The following ABHD4 variants were observed in gnomAD, a reference collection of about 807,000 sequenced individuals.
ABHD4 encodes the protein abhydrolase domain containing 4, N-acyl phospholipase B.
In ABHD4, 35 loss-of-function variants were observed where a neutral mutation model predicts 42.3. The observed-to-expected ratio is 0.83, with a 90% CI of 0.63 to 1.10. ABHD4 has a LOEUF of 1.10. ABHD4 is among the 50% of genes least tolerant of loss of function. The pLI is 0.00. For missense variants in ABHD4, 389 were observed against 454.8 expected (o/e 0.86, Z 1.32); for synonymous variants, 169 against 170.6 (o/e 0.99, Z 0.07).
chr14:22,606,577 G>T (rs779660447), intron 5 of ABHD4, 44 bp downstream of exon 5: 1 of 1,398,902 alleles, frequency 7.1e-7, no homozygotes, highest in South Asian at 1.2e-5. Context: ...ACAGTTGTTA[G>T]GAGATAAAAC....
chr14:22,607,573 T>C (rs937279012), intron 5 of ABHD4, among the ~76,000 whole-genome samples: 2 of 152,168 alleles, frequency 1.3e-5, no homozygotes, highest in Non-Finnish European at 2.9e-5. Context: ...GCTCAGCTAA[T>C]TGAAGAACCC....
At chr14:22,601,898 A>G (rs373708640) in intron 2 of ABHD4, 143 bp downstream of exon 2, 1 of 711,300 alleles carries the variant, frequency 1.4e-6, no homozygotes. Context: ...CAGTTGTGTG[A>G]GGGAAGAGGT....
At chr14:22,600,831 GGTGTGT>G (rs35284182) in intron 1 of ABHD4, among the ~76,000 whole-genome samples, 159 of 65,218 alleles carry the variant, frequency 2.4e-3, no homozygotes, top group South Asian at 4.2e-3. Context: ...CCAGCAGGGG[GGTGTGT>G]GTGTGTGTGT....
chr14:22,605,039 C>A (rs950738715), intron 4 of ABHD4, among the ~76,000 whole-genome samples: 1 of 152,218 alleles, frequency 6.6e-6, no homozygotes, highest in Non-Finnish European at 1.5e-5. Context: ...CCCACAGTGG[C>A]AGGCAAGCCC....
intron 4 of ABHD4, chr14:22,605,753 C>T: frequency 1.6e-6 from 2 of 1,215,316 alleles, no homozygotes; most frequent in South Asian, 2.5e-5. Flanking sequence ...CCAACCCAGC[C>T]CCTTCTTACC....
rs1037932451 is a variant in ABHD4 at position 22,611,958 on chromosome 14, A to G, written c.*1010A>G. On this transcript the variant is annotated 3_prime_UTR_variant, in exon 7 of 7. Coordinates refer to ENST00000428304, the MANE Select transcript of ABHD4 (RefSeq NM_022060.3). ...CCCCAGGGCCATGTCTGGGTTCTCC[A>G]TGCCCATCAGTCTCTGCAGTTTCTC... 2.0e-5 allele frequency: 3 copies of G among 152,868 alleles called. No individual in the cohort carries two copies. The highest frequency in any genetic ancestry group is 2.9e-5 in the Non-Finnish European group (2 of 68,306). 9.5% of individuals were successfully genotyped at this position (152,868 alleles called of 1,614,324 possible).
At chr14:22,603,272 T>C in intron 2 of ABHD4, 118 bp from the exon 3 acceptor site, 1 of 1,300,632 alleles carries the variant, frequency 7.7e-7, no homozygotes, top group East Asian at 2.3e-5. Flanking sequence ...AGGAAGGAGC[T>C]GAGGGAAGTT....
Position 22,610,887 on chromosome 14 carries a change from A to G in ABHD4, c.968A>G (p.Tyr323Cys). Residue 323 changes from tyrosine (Y) to cysteine (C), a missense_variant, in exon 7 of 7, where the codon TAT (tyrosine) becomes TGT (cysteine). Around this residue, in one of 3 missense-constraint regions of ABHD4, gnomAD observed 249 missense variants for 254.4 expected, o/e 0.98. Transcript: ENST00000428304. ...MEIKGASHHVYADQPHIFNAV... is the reference protein window; with the variant it reads ...MEIKGASHHVCADQPHIFNAV... Reference sequence around the variant, plus strand: ...ATTAAGGGTGCCTCCCACCATGTCTATGCTGACCAGCCACACATCTTCAAT... The same window carrying G: ...ATTAAGGGTGCCTCCCACCATGTCTGTGCTGACCAGCCACACATCTTCAAT... 1 of 1,614,156 alleles carries G rather than the reference A, an allele frequency of 6.2e-7. No individual in the cohort carries two copies. Among genetic ancestry groups the G allele is most frequent in the Non-Finnish European group, 8.5e-7 (1 of 1,180,024 alleles).
chr14:22,603,313 A>T, intron 2 of ABHD4, 77 bp from the exon 3 acceptor site: 3 of 1,565,228 alleles, frequency 1.9e-6, no homozygotes, highest in Non-Finnish European at 2.6e-6. Flanking sequence ...GAGAATGTGA[A>T]GAGTGGTAGT....
rs2037422445 is a variant in ABHD4, at chr14:22,612,145, CT to C, written c.*1198del. 6.5e-6 allele frequency: 1 copy of C among 152,768 alleles called. No homozygotes were observed. The highest frequency in any genetic ancestry group is 1.5e-5 in the Non-Finnish European group (1 of 68,234). The allele number at this position is 152,768 out of a possible 1,614,324, so 9.5% of individuals were successfully genotyped here. A position where few individuals can be genotyped will look rare whatever the true frequency, so the allele number is the denominator to read the frequency against. On this transcript the variant is annotated 3_prime_UTR_variant, in exon 7 of 7. Transcript: ENST00000428304. ...CCATGGTTTCCAGCTCAATCCACCC[CT>C]GACCCATCTGTCAGCTTTTTCCCAG...
At chr14:22,598,537 C>G (rs777270925) in intron 1 of ABHD4, 62 of 1,432,316 alleles carry the variant, frequency 4.3e-5, no homozygotes. Context: ...ATGGGAGACG[C>G]GCTCGCCCGC....
chr14:22,604,207 C>A (rs2037321704), intron 4 of ABHD4, 128 bp downstream of exon 4: 1 of 1,085,550 alleles, frequency 9.2e-7, no homozygotes, highest in South Asian at 1.6e-5. Flanking sequence ...TTAATCTGAA[C>A]CAGATCACTT....
chr14:22,609,657 G>A, intron 5 of ABHD4, 67 bp from the exon 6 acceptor site: 1 of 1,529,448 alleles, frequency 6.5e-7, no homozygotes, highest in Non-Finnish European at 8.9e-7. Context: ...TTCTGCCTCA[G>A]TCTCTGAAGA....
intron 1 of ABHD4, among the ~76,000 whole-genome samples, chr14:22,599,695 T>G (rs1566380029): frequency 1.3e-5 from 2 of 152,216 alleles, no homozygotes; most frequent in Non-Finnish European, 2.9e-5. Flanking sequence ...CTTTGTACAG[T>G]AACAGGACAA....
Position 22,603,574 on chromosome 14 carries a change from C to G in ABHD4, c.297C>G (p.Thr99=), listed in dbSNP as rs528263386. 7 of 1,614,202 alleles carry G rather than the reference C, an allele frequency of 4.3e-6. No homozygotes were observed. In the South Asian group the frequency reaches 5.5e-5, roughly 13 times the overall value. The part of the protein sequence containing the change: ...DSLSARRTLH[T]FDLLGFGRSS... ...TGAGTGCCCGCCGCACACTGCACAC[C>G]TTCGATCTGCTTGGCTTCGGGCGAA... is the stretch of plus-strand genomic sequence containing the variant. The change falls in exon 3 of 7, where the codon ACC becomes ACG. Residue 99 remains threonine (T), a synonymous_variant. Transcript: ENST00000428304.
intron 4 of ABHD4, among the ~76,000 whole-genome samples, chr14:22,604,533 C>T (rs2037326697): frequency 6.6e-6 from 1 of 151,228 alleles, no homozygotes; most frequent in South Asian, 2.1e-4. Context: ...AGGCGTGAGC[C>T]ACCGCGCCTG....
Position 22,611,009 on chromosome 14 carries a change from T to G in ABHD4, c.*61T>G. On this transcript the variant is annotated 3_prime_UTR_variant, in exon 7 of 7. Coordinates refer to ENST00000428304, the MANE Select transcript of ABHD4 (RefSeq NM_022060.3). Reference sequence around the variant, plus strand: ...AGTCACTCTTACCTCCCTGTCTGCTTACTCACCCACTCTGTCCTTTCCTCA... The same window carrying G: ...AGTCACTCTTACCTCCCTGTCTGCTGACTCACCCACTCTGTCCTTTCCTCA... 6.9e-7 allele frequency: 1 copy of G among 1,458,444 alleles called. No homozygotes were observed. 90.3% of individuals were successfully genotyped at this position (1,458,444 alleles called of 1,614,324 possible).
At chr14:22,607,154 CAG>C (rs899228453) in intron 5 of ABHD4, among the ~76,000 whole-genome samples, 1 of 152,160 alleles carries the variant, frequency 6.6e-6, no homozygotes, top group African/African-American at 2.4e-5. Flanking sequence ...ATCATTGAGA[CAG>C]AAATTTTTTT....
chr14:22,603,832 T>C, intron 3 of ABHD4, 70 bp downstream of exon 3: 1 of 1,579,736 alleles, frequency 6.3e-7, no homozygotes, highest in Non-Finnish European at 8.6e-7. Context: ...CAGTATTCAT[T>C]TCCAAACTTC....
Sources: gnomAD v4.1 joint callset for allele counts (sites outside exome capture counted in the v4.1 genomes callset) on GRCh38, gnomAD v4.1.1 for gene constraint, gnomAD v4.1.1 regional missense constraint, MANE v1.5 for transcripts, NCBI Gene and HGNC (gene_info 2026-07-23, HGNC 2026-07-21) for gene names.